Variants in SURF1 observed in about 807,000 individuals in gnomAD.
The protein encoded by SURF1 is surfeit locus protein 1.
Under a neutral mutation model 34.1 loss-of-function variants are expected in SURF1, and 45 were observed. The ratio of observed to expected loss-of-function variants is 1.32; its 90% CI spans 1.04 to 1.69. SURF1 has a LOEUF of 1.69. SURF1 is among the 40% of genes most tolerant of loss of function. SURF1 has a pLI of 0.00. For synonymous variants in SURF1, 188 were observed against 147.5 expected (o/e 1.27, Z -1.99); for missense variants, 456 against 384.6 (o/e 1.19, Z -1.55).
intron 2 of SURF1, among the ~76,000 whole-genome samples, chr9:133,355,914 G>A (rs1156905327): frequency 6.6e-6 from 1 of 151,888 alleles, no homozygotes; most frequent in African/African-American, 2.4e-5. Flanking sequence ...AGAGGAACAC[G>A]TAAGCCGCGG....
At chr9:133,355,261 T>G (rs968675190) in intron 2 of SURF1, among the ~76,000 whole-genome samples, 3 of 152,152 alleles carry the variant, frequency 2.0e-5, no homozygotes, top group Non-Finnish European at 4.4e-5. Context: ...GATGCACCAT[T>G]CATCCATTCA....
At chr9:133,353,261 G>A (rs2130012771) in intron 5 of SURF1, among the ~76,000 whole-genome samples, 2 of 152,272 alleles carry the variant, frequency 1.3e-5, no homozygotes, top group African/African-American at 2.4e-5. Context: ...TCATTTTTAC[G>A]TGAATCCTCC....
Position 133,352,742 on chromosome 9 carries a change from C to T in SURF1, c.540G>A (p.Gly180=). The stretch of plus-strand genomic sequence containing the variant: ...GATTCACTTTCTTCCTGGGAACGAA[C>T]CCTCTATTTACCAGGATGGTGACTC... ...DLGVTILVNR[G]FVPRKKVNPE... is the part of the protein sequence containing the mutation. Residue 180 remains glycine (G), a synonymous_variant, in exon 6 of 9, where the codon GGG becomes GGA. Transcript: ENST00000371974. 1 of 1,612,456 alleles carries T rather than the reference C, an allele frequency of 6.2e-7. No individual in the cohort carries two copies. The highest frequency in any genetic ancestry group is 8.5e-7 in the Non-Finnish European group (1 of 1,179,574).
At chr9:133,354,046 A>G (rs1047162450) in intron 4 of SURF1, 106 bp from the exon 5 acceptor site, 11 of 1,307,608 alleles carry the variant, frequency 8.4e-6, no homozygotes, top group Middle Eastern at 2.1e-4. Context: ...TGAAGGAGAA[A>G]GGCAAAGGGC....
At position 133,356,278 on chromosome 9, in the gene SURF1, G is replaced by C. The variant is rs1295640591; in HGVS notation, c.97C>G (p.Pro33Ala). 2.4e-5 allele frequency: 37 copies of C among 1,532,760 alleles called. No individual in the cohort carries two copies. Among genetic ancestry groups the C allele is most frequent in the East Asian group, 9.8e-5 (4 of 40,756 alleles). 94.9% of individuals were successfully genotyped at this position (1,532,760 alleles called of 1,614,324 possible). A position where few individuals can be genotyped will look rare whatever the true frequency, so the allele number is the denominator to read the frequency against. ...GGCCTGCAGCCCTCACCTGGGCGCG[G>C]GGAGACCCTGAGGACGCTCCTCCAG... ...AAWRSVLRVS[P>A]RPGVAWRPSR... Residue 33 changes from proline to alanine, a missense_variant, in exon 2 of 9, where the codon CCG (proline) becomes GCG (alanine). Pro to Ala is a conservative substitution (Grantham distance 27, BLOSUM62 -1). Transcript: ENST00000371974.
Position 133,352,684 on chromosome 9 carries a change from T to C in SURF1, c.588+10A>G, listed in dbSNP as rs1195798424. On this transcript the variant is annotated intron_variant, in intron 6 of 8. Coordinates refer to ENST00000371974, the MANE Select transcript of SURF1 (RefSeq NM_003172.4). ...CCTTCTCTAAAGTAGGAAGAGTCCATGTCCCTTACCTGGCCTTTCTGCCGG... is the reference window on the plus strand; with the variant it reads ...CCTTCTCTAAAGTAGGAAGAGTCCACGTCCCTTACCTGGCCTTTCTGCCGG... 4 of 1,613,694 alleles carry C rather than the reference T, an allele frequency of 2.5e-6. No homozygotes were observed. The East Asian group carries it at 6.7e-5, about 27-fold the overall frequency.
At chr9:133,354,562 A>T (rs1367827341) in intron 4 of SURF1, 97 bp downstream of exon 4, 2 of 1,445,776 alleles carry the variant, frequency 1.4e-6, no homozygotes, top group Non-Finnish European at 1.9e-6. Context: ...GCAGTGACTA[A>T]AAGTCCCACC....
chr9:133,354,127 A>C, intron 4 of SURF1, 187 bp from the exon 5 acceptor site: 1 of 693,614 alleles, frequency 1.4e-6, no homozygotes, highest in Non-Finnish European at 2.6e-6. Flanking sequence ...CAACTTTACA[A>C]GAGAGGCTAA....
At position 133,356,458 on chromosome 9, in the gene SURF1, C is replaced by G. The variant is rs1401678662; in HGVS notation, c.-5G>C. The stretch of plus-strand genomic sequence containing the variant: ...CAACGCAGCCACCGCCGCCATCGCA[C>G]CCGGCCCCGCGGGCGCTTCCGGGAC... On this transcript the variant is annotated 5_prime_UTR_variant, in exon 1 of 9. Transcript: ENST00000371974. 1.4e-6 allele frequency: 2 copies of G among 1,425,404 alleles called. No homozygotes were observed. Among genetic ancestry groups the G allele is most frequent in the Non-Finnish European group, 1.8e-6 (2 of 1,092,278 alleles). The allele number at this position is 1,425,404 out of a possible 1,614,324, so 88.3% of individuals were successfully genotyped here. A position where few individuals can be genotyped will look rare whatever the true frequency, so the allele number is the denominator to read the frequency against.
At chr9:133,354,105 A>G (rs1836507376) in intron 4 of SURF1, 165 bp from the exon 5 acceptor site, 2 of 760,226 alleles carry the variant, frequency 2.6e-6, no homozygotes, top group Admixed American at 2.0e-5. Context: ...GTGGATCTGC[A>G]CTGCCAGAGT....
chr9:133,356,392 G>GCACCCCGCACCC lies in SURF1; in HGVS notation c.54+7_54+8insGGGTGCGGGGTG. On this transcript the variant is annotated splice_region_variant and intron_variant, in intron 1 of 8. Transcript: ENST00000371974. ...CCCCGCACCCCGCACCCCGCACCCG[G>GCACCCCGCACCC]CGCTCACCCGTCCCAGCCCCGCCGC... The GCACCCCGCACCC allele has an allele frequency of 7.6e-7, 1 of 1,318,994 alleles. No homozygotes were observed. Among genetic ancestry groups the GCACCCCGCACCC allele is most frequent in the Non-Finnish European group, 9.9e-7 (1 of 1,009,910 alleles). 81.7% of individuals were successfully genotyped at this position (1,318,994 alleles called of 1,614,324 possible).
chr9:133,352,136 G>A lies in SURF1; in HGVS notation c.758C>T (p.Thr253Ile), dbSNP rs782022661. The A allele has an allele frequency of 6.3e-7, 1 of 1,598,218 alleles. No homozygotes were observed. The highest frequency in any genetic ancestry group is 8.5e-7 in the Non-Finnish European group (1 of 1,171,678). ...PIFIDANFQS[T>I]VPGGPIGGQT... ...CCCTCCAATGGGTCCTCCAGGGACT[G>A]TGCTCTCTGTGGAGACAGCAGACTC... The change falls in exon 8 of 9, where the codon ACA becomes ATA. Residue 253 changes from threonine (T) to isoleucine (I), a missense_variant. By Grantham distance (89) the Thr-to-Ile change is moderately conservative (BLOSUM62 -1). Coordinates refer to ENST00000371974, the MANE Select transcript of SURF1 (RefSeq NM_003172.4).
chr9:133,353,736 A>G lies in SURF1; in HGVS notation c.515+13T>C, dbSNP rs2130014092. 6.2e-7 allele frequency: 1 copy of G among 1,613,602 alleles called. No homozygotes were observed. Among genetic ancestry groups the G allele is most frequent in the East Asian group, 2.2e-5 (1 of 44,880 alleles). On this transcript the variant is annotated intron_variant, in intron 5 of 8. Coordinates refer to ENST00000371974, the MANE Select transcript of SURF1 (RefSeq NM_003172.4). ...CTCTGCCAGGACAGCCAGCTCCCAC[A>G]TGTCCTACTCACCCCAGGTCGGTGC...
At position 133,351,896 on chromosome 9, in the gene SURF1, C is replaced by T. The variant is rs2130002306; in HGVS notation, c.*17G>A. 2 of 1,612,098 alleles carry T rather than the reference C, an allele frequency of 1.2e-6. No individual in the cohort carries two copies. Among genetic ancestry groups the T allele is most frequent in the African/African-American group, 2.7e-5 (2 of 74,910 alleles). ...AATACTGCATTATCCAGGGACAGGG[C>T]TTCAGCAGCTGATCTGTCACACACC... On this transcript the variant is annotated 3_prime_UTR_variant, in exon 9 of 9. Transcript: ENST00000371974.
chr9:133,352,195 A>G (rs2130005576), intron 7 of SURF1, 53 bp from the exon 8 acceptor site: 87 of 1,529,120 alleles, frequency 5.7e-5, no homozygotes, highest in Non-Finnish European at 7.1e-6. Context: ...CAGCCTCTGC[A>G]CCACTTCCTA....
At chr9:133,352,031 G>C (rs2130003777) in intron 8 of SURF1, 30 bp downstream of exon 8, 12 of 1,612,590 alleles carry the variant, frequency 7.4e-6, no homozygotes, top group Non-Finnish European at 7.6e-6. Context: ...GGCTGAAGGG[G>C]AGGAAGCCAG....
chr9:133,354,432 C>CATTA (rs1163269729), intron 4 of SURF1, among the ~76,000 whole-genome samples: 3 of 152,246 alleles, frequency 2.0e-5, no homozygotes, highest in African/African-American at 7.2e-5. Context: ...ACCCAGGACT[C>CATTA]AAAATAAGAC....
At chr9:133,352,411 C>T in intron 7 of SURF1, 35 bp downstream of exon 7, 2 of 1,614,168 alleles carry the variant, frequency 1.2e-6, no homozygotes, top group Admixed American at 1.7e-5. Context: ...TTCACAAAAG[C>T]TACTTGTTCC....
At chr9:133,355,083 C>T in intron 2 of SURF1, 126 bp from the exon 3 acceptor site, 1 of 1,254,868 alleles carries the variant, frequency 8.0e-7, no homozygotes, top group Non-Finnish European at 1.1e-6. Context: ...CTAGCAGCAC[C>T]TGTATCCAGC....
Sources: gnomAD v4.1 joint callset for allele counts (sites outside exome capture counted in the v4.1 genomes callset) on GRCh38, gnomAD v4.1.1 for gene constraint, MANE v1.5 for transcripts, NCBI Gene and HGNC (gene_info 2026-07-23, HGNC 2026-07-21) for gene names.